The following PPP2CA variants were observed in gnomAD, a reference collection of about 807,000 sequenced individuals.
PPP2CA encodes the protein serine/threonine-protein phosphatase 2A catalytic subunit alpha isoform.
A neutral mutation model predicts 38.8 loss-of-function variants in PPP2CA; 5 were observed. The ratio of observed to expected loss-of-function variants is 0.13; its 90% CI spans 0.07 to 0.27. The LOEUF (loss-of-function observed/expected upper bound fraction) is 0.27, where lower values mean the gene tolerates loss of function less well. Ranked by LOEUF, PPP2CA falls within the 10% of genes least tolerant of loss-of-function variation. The pLI, the probability that PPP2CA is intolerant of heterozygous loss-of-function variation, is 1.00. For synonymous variants in PPP2CA, 152 were observed against 134.0 expected (o/e 1.13, Z -0.93); for missense variants, 88 against 389.7 (o/e 0.23, Z 6.52).
intron 3 of PPP2CA, among the ~76,000 whole-genome samples, chr5:134,201,513 G>GT (rs1561734458): frequency 6.6e-6 from 1 of 152,110 alleles, no homozygotes; most frequent in Non-Finnish European, 1.5e-5. Context: ...AAATTTTATT[G>GT]TAAGTTCTTT....
intron 1 of PPP2CA, among the ~76,000 whole-genome samples, chr5:134,218,737 C>T (rs1762373449): frequency 1.3e-5 from 2 of 150,742 alleles, no homozygotes; most frequent in South Asian, 4.2e-4. Context: ...GGCACGATCT[C>T]GGCTCACTGC....
chr5:134,223,114 T>G (rs1217261385), intron 1 of PPP2CA, among the ~76,000 whole-genome samples: 1 of 152,224 alleles, frequency 6.6e-6, no homozygotes, highest in Non-Finnish European at 1.5e-5. Flanking sequence ...GGAAGGCTTT[T>G]ACATTATCAT....
chr5:134,221,360 G>C (rs1342660206), intron 1 of PPP2CA, among the ~76,000 whole-genome samples: 1 of 152,210 alleles, frequency 6.6e-6, no homozygotes, highest in Non-Finnish European at 1.5e-5. Context: ...TGATCCGCCT[G>C]CCGTGGCCTT....
Position 134,216,557 on chromosome 5 carries a change from A to AAAAAAAAAAAAAAAAAAAAAAAAAAAAAG in PPP2CA, c.102+9202_102+9203insCTTTTTTTTTTTTTTTTTTTTTTTTTTTT, listed in dbSNP as rs57520870. Among the ~76,000 whole-genome samples, 4 of 111,084 alleles carry AAAAAAAAAAAAAAAAAAAAAAAAAAAAAG rather than the reference A, an allele frequency of 3.6e-5. 2 individuals are homozygous for AAAAAAAAAAAAAAAAAAAAAAAAAAAAAG. The highest frequency in any genetic ancestry group is 3.6e-5 in the Non-Finnish European group (2 of 55,304). The allele number at this position is 111,084 out of a possible 152,430, so 72.9% of individuals were successfully genotyped here. ...TGCCTCAAAAAAAAAAAAAAAAAAA[A>AAAAAAAAAAAAAAAAAAAAAAAAAAAAAG]GTGGTTTCCTTCAAAAGAAGGTAGT... On this transcript the variant is annotated intron_variant, in intron 1 of 6. Transcript: ENST00000481195.
At chr5:134,205,376 AT>A (rs1432735467) in intron 2 of PPP2CA, among the ~76,000 whole-genome samples, 3 of 126,648 alleles carry the variant, frequency 2.4e-5, no homozygotes, top group Non-Finnish European at 5.0e-5. Flanking sequence ...GCCCTCTAAC[AT>A]TTTTCTTTTC....
chr5:134,211,510 C>T (rs1246973148), intron 1 of PPP2CA, among the ~76,000 whole-genome samples: 1 of 145,120 alleles, frequency 6.9e-6, no homozygotes, highest in Non-Finnish European at 1.5e-5. Flanking sequence ...GAGTTTCGCT[C>T]TTGTTGCGCG....
At chr5:134,205,780 A>T in intron 2 of PPP2CA, 142 bp downstream of exon 2, 1 of 688,256 alleles carries the variant, frequency 1.5e-6, no homozygotes, top group Non-Finnish European at 2.4e-6. Flanking sequence ...TATGATTTTT[A>T]AGTCCAAAAC....
Position 134,197,651 on chromosome 5 carries a change from T to A in PPP2CA, c.*121A>T, listed in dbSNP as rs1423096456. On this transcript the variant is annotated 3_prime_UTR_variant, in exon 7 of 7. Transcript: ENST00000481195. ...TTTATATGGCACATCTTTTGGTCCA[T>A]GTGAAAACAAGTTTTTTGAATGTTA... is the stretch of plus-strand genomic sequence containing the variant. 1.3e-5 allele frequency: 10 copies of A among 786,052 alleles called. No individual in the cohort carries two copies. In the East Asian group the frequency reaches 2.1e-4, roughly 17 times the overall value. The allele number at this position is 786,052 out of a possible 1,614,324, so 48.7% of individuals were successfully genotyped here. A position where few individuals can be genotyped will look rare whatever the true frequency, so the allele number is the denominator to read the frequency against.
chr5:134,214,886 T>C (rs1762283863), intron 1 of PPP2CA, among the ~76,000 whole-genome samples: 2 of 152,168 alleles, frequency 1.3e-5, no homozygotes, highest in Admixed American at 6.5e-5. Context: ...TAAGAGTTTT[T>C]CATTTTAAAA....
In PPP2CA at chr5:134,211,640, A is replaced by AT. The variant is rs57235538; in HGVS notation, c.103-5510dup. Among the ~76,000 whole-genome samples, 49 of 141,292 alleles carry AT rather than the reference A, an allele frequency of 3.5e-4. No individual in the cohort carries two copies. The East Asian group carries it at 3.9e-3, about 11-fold the overall frequency. 92.7% of individuals were successfully genotyped at this position (141,292 alleles called of 152,430 possible). ...TACAGATGCAAACCACTCCCAGCTAATTTTTTTTTTTTTTTTAGTACAGAC... is the reference window on the plus strand; with the variant it reads ...TACAGATGCAAACCACTCCCAGCTAATTTTTTTTTTTTTTTTTAGTACAGAC... On this transcript the variant is annotated intron_variant, in intron 1 of 6. Coordinates refer to ENST00000481195, the MANE Select transcript of PPP2CA (RefSeq NM_002715.4).
At position 134,194,368 on chromosome 5, in the gene PPP2CA, C is replaced by T. The variant is rs1761796716; in HGVS notation, c.*3404G>A. On this transcript the variant is annotated 3_prime_UTR_variant, in exon 7 of 7. Coordinates refer to ENST00000481195, the MANE Select transcript of PPP2CA (RefSeq NM_002715.4). Reference sequence around the variant, plus strand: ...AGGCTTTAATGCAAAATAGCTTTAGCTCACAGAACCAAAATCCATCTGAAA... The same window carrying T: ...AGGCTTTAATGCAAAATAGCTTTAGTTCACAGAACCAAAATCCATCTGAAA... The T allele has an allele frequency of 6.6e-6, 1 of 152,158 alleles. No individual in the cohort carries two copies. Among genetic ancestry groups the T allele is most frequent in the South Asian group, 2.1e-4 (1 of 4,826 alleles). The allele number at this position is 152,158 out of a possible 1,614,324, so 9.4% of individuals were successfully genotyped here.
At chr5:134,206,798 C>T (rs928150882) in intron 1 of PPP2CA, among the ~76,000 whole-genome samples, 2 of 152,220 alleles carry the variant, frequency 1.3e-5, no homozygotes, top group Non-Finnish European at 2.9e-5. Flanking sequence ...AGCACTGTGG[C>T]TCATACCTGT....
intron 5 of PPP2CA, 200 bp from the exon 6 acceptor site, chr5:134,199,404 C>A (rs1182960475): frequency 5.1e-6 from 2 of 391,990 alleles, no homozygotes; most frequent in Non-Finnish European, 9.0e-6. Context: ...TTTATTTTCC[C>A]CCTAATTACA....
At chr5:134,218,661 G>C (rs1226824029) in intron 1 of PPP2CA, among the ~76,000 whole-genome samples, 3 of 133,290 alleles carry the variant, frequency 2.3e-5, no homozygotes, top group African/African-American at 8.5e-5. Context: ...CTAGATGGTT[G>C]TTTCTTTCTT....
intron 2 of PPP2CA, among the ~76,000 whole-genome samples, chr5:134,205,268 T>A (rs1387513437): frequency 6.6e-6 from 1 of 152,128 alleles, no homozygotes; most frequent in African/African-American, 2.4e-5. Context: ...TTGGTATGTT[T>A]ATATATTTAT....
At chr5:134,209,130 A>C (rs1762146323) in intron 1 of PPP2CA, among the ~76,000 whole-genome samples, 1 of 152,202 alleles carries the variant, frequency 6.6e-6, no homozygotes. Flanking sequence ...TTAACTCTTA[A>C]GTGAAATTTC....
At chr5:134,205,060 G>A (rs1250425608) in intron 2 of PPP2CA, among the ~76,000 whole-genome samples, 2 of 151,472 alleles carry the variant, frequency 1.3e-5, no homozygotes. Flanking sequence ...CTCAGCCTGA[G>A]TAGCTGGGAC....
At chr5:134,211,926 T>A (rs1762210735) in intron 1 of PPP2CA, among the ~76,000 whole-genome samples, 1 of 152,060 alleles carries the variant, frequency 6.6e-6, no homozygotes, top group Non-Finnish European at 1.5e-5. Context: ...GAAACCAGCC[T>A]GGCCAACATG....
chr5:134,201,726 A>C, intron 3 of PPP2CA, 122 bp downstream of exon 3: 1 of 1,085,776 alleles, frequency 9.2e-7, no homozygotes. Context: ...AATGAATGCT[A>C]TCAATATCTA....
Sources: allele counts gnomAD v4.1 joint callset (sites outside exome capture counted in the v4.1 genomes callset), GRCh38; gene constraint gnomAD v4.1.1; transcripts MANE v1.5; gene names NCBI Gene and HGNC (gene_info 2026-07-23, HGNC 2026-07-21).